The following CCN4 variants were observed in gnomAD, a reference collection of about 807,000 sequenced individuals.
CCN4 encodes CCN family member 4.
A neutral mutation model predicts 36.7 loss-of-function variants in CCN4; 30 were observed. The ratio of observed to expected loss-of-function variants is 0.82; its 90% CI spans 0.61 to 1.11. The LOEUF is 1.11. Ranked by LOEUF, CCN4 falls within the 50% of genes least tolerant of loss-of-function variation. The pLI is 0.00. For missense variants in CCN4, 505 were observed against 504.9 expected, an observed-to-expected ratio of 1.00 and a Z score of 0.00; for synonymous variants, 191 against 195.4, an observed-to-expected ratio of 0.98 and a Z score of 0.19.
intron 1 of CCN4, among the ~76,000 whole-genome samples, chr8:133,194,455 T>A (rs1316401631): frequency 1.8e-5 from 1 of 54,946 alleles, no homozygotes; most frequent in African/African-American, 1.1e-4. Context: ...GTGTGTGTGG[T>A]ATGTGTGTGG....
chr8:133,214,508 G>T (rs1854244091), intron 2 of CCN4, among the ~76,000 whole-genome samples: 1 of 134,070 alleles, frequency 7.5e-6, no homozygotes, highest in Non-Finnish European at 1.5e-5. Flanking sequence ...TTTGGAGGTG[G>T]TTGTTGTTGT....
At position 133,220,616 on chromosome 8, in the gene CCN4, C is replaced by T. The variant is rs199909788; in HGVS notation, c.385C>T (p.Arg129Cys). 2.7e-5 allele frequency: 44 copies of T among 1,614,034 alleles called. No individual in the cohort carries two copies. Among genetic ancestry groups the T allele is most frequent in the Admixed American group, 1.5e-4 (9 of 60,010 alleles). The part of the protein sequence containing the change: ...VGVGCVLDGV[R>C]YNNGQSFQPN... ...TGTGGGCTGCGTCCTGGATGGGGTG[C>T]GCTACAACAACGGCCAGTCCTTCCA... The change falls in exon 3 of 5, where the codon CGC (arginine) becomes TGC (cysteine). Residue 129 changes from arginine to cysteine, a missense_variant. By Grantham distance (180) the Arg-to-Cys change is radical. Transcript: ENST00000250160.
Position 133,227,725 on chromosome 8 carries a change from T to C in CCN4, c.*15T>C, listed in dbSNP as rs1272347893. 29 of 1,606,134 alleles carry C rather than the reference T, an allele frequency of 1.8e-5. No individual in the cohort carries two copies. The highest frequency in any genetic ancestry group is 2.5e-5 in the Non-Finnish European group (29 of 1,175,414). On this transcript the variant is annotated 3_prime_UTR_variant, in exon 5 of 5. Transcript: ENST00000250160. ...TTGCCAACTAGGCAGGCACAAATCT[T>C]GGGTCTTGGGGACTAACCCAATGCC...
In CCN4 at chr8:133,229,181, C is replaced by G. The variant is rs1854862475; in HGVS notation, c.*1471C>G. The G allele has an allele frequency of 6.6e-6, 1 of 152,138 alleles. No homozygotes were observed. The highest frequency in any genetic ancestry group is 1.5e-5 in the Non-Finnish European group (1 of 68,028). The allele number at this position is 152,138 out of a possible 1,614,324, so 9.4% of individuals were successfully genotyped here. A position where few individuals can be genotyped will look rare whatever the true frequency, so the allele number is the denominator to read the frequency against. ...GGAAGCTCATAGAGGTGAGAAAACT[C>G]AACCAGAGTCACCCAGTTGGTGACT... On this transcript the variant is annotated 3_prime_UTR_variant, in exon 5 of 5. Transcript: ENST00000250160.
At position 133,225,459 on chromosome 8, in the gene CCN4, C is replaced by T. The variant is rs754459754; in HGVS notation, c.680C>T (p.Ser227Phe). Residue 227 changes from serine (S) to phenylalanine (F), a missense_variant, in exon 4 of 5, where the codon TCC becomes TTC. By Grantham distance (155) the Ser-to-Phe change is radical. Transcript: ENST00000250160. ...IAYTSPWSPCSTSCGLGVSTR... is the reference protein window; with the variant it reads ...IAYTSPWSPCFTSCGLGVSTR... ...TACACAAGCCCCTGGAGCCCTTGCT[C>T]CACCAGCTGCGGCCTGGGGGTCTCC... 2 of 1,614,120 alleles carry T rather than the reference C, an allele frequency of 1.2e-6. No individual in the cohort carries two copies. The highest frequency in any genetic ancestry group is 2.2e-5 in the South Asian group (2 of 91,072).
Position 133,228,417 on chromosome 8 carries a change from C to T in CCN4, c.*707C>T, listed in dbSNP as rs982949000. 2 of 152,324 alleles carry T rather than the reference C, an allele frequency of 1.3e-5. No homozygotes were observed. The highest frequency in any genetic ancestry group is 2.1e-4 in the South Asian group (1 of 4,822). The allele number at this position is 152,324 out of a possible 1,614,324, so 9.4% of individuals were successfully genotyped here. ...AACATTCCTGTTGATGGGAAAAGCCCCCAGTTAATACTCCAGAGACAGGGA... is the reference window on the plus strand; with the variant it reads ...AACATTCCTGTTGATGGGAAAAGCCTCCAGTTAATACTCCAGAGACAGGGA... On this transcript the variant is annotated 3_prime_UTR_variant, in exon 5 of 5. Transcript: ENST00000250160.
chr8:133,226,914 G>C (rs1463809244), intron 4 of CCN4, among the ~76,000 whole-genome samples: 1 of 152,220 alleles, frequency 6.6e-6, no homozygotes, highest in Non-Finnish European at 1.5e-5. Context: ...GTGGAAGGTA[G>C]CGTTACCTTT....
intron 1 of CCN4, among the ~76,000 whole-genome samples, chr8:133,201,957 G>C (rs1391209903): frequency 2.0e-5 from 3 of 152,150 alleles, no homozygotes; most frequent in Non-Finnish European, 4.4e-5. Context: ...GCGTATGTAG[G>C]GTTCGTTATA....
chr8:133,227,343 C>G (rs1854773615), intron 4 of CCN4, 68 bp from the exon 5 acceptor site: 1 of 1,506,848 alleles, frequency 6.6e-7, no homozygotes, highest in Admixed American at 2.0e-5. Context: ...AAACTGGGGG[C>G]TCAGGGGAAG....
chr8:133,223,797 A>G (rs2130617972), intron 3 of CCN4, among the ~76,000 whole-genome samples: 1 of 152,080 alleles, frequency 6.6e-6, no homozygotes, highest in South Asian at 2.1e-4. Context: ...TCTCCACTGC[A>G]TCTTGTTCCA....
In CCN4 at chr8:133,228,864, A is replaced by G. The variant is rs1854847367; in HGVS notation, c.*1154A>G. The G allele has an allele frequency of 6.6e-6, 1 of 152,158 alleles. No homozygotes were observed. The highest frequency in any genetic ancestry group is 2.1e-4 in the South Asian group (1 of 4,826). 9.4% of individuals were successfully genotyped at this position (152,158 alleles called of 1,614,324 possible). A position where few individuals can be genotyped will look rare whatever the true frequency, so the allele number is the denominator to read the frequency against. Reference sequence around the variant, plus strand: ...CTTTCGTTCTGCTGACCAAATGGCCAGTTTTCTGGTAGGAAGATGGAGGTT... The same window carrying G: ...CTTTCGTTCTGCTGACCAAATGGCCGGTTTTCTGGTAGGAAGATGGAGGTT... On this transcript the variant is annotated 3_prime_UTR_variant, in exon 5 of 5. Transcript: ENST00000250160.
At position 133,227,531 on chromosome 8, in the gene CCN4, T is replaced by C. The variant is rs766070030; in HGVS notation, c.925T>C (p.Cys309Arg). The C allele has an allele frequency of 5.6e-6, 9 of 1,614,048 alleles. No homozygotes were observed. In the East Asian group the frequency reaches 1.8e-4, roughly 32 times the overall value. The change falls in exon 5 of 5, where the codon TGC becomes CGC. Residue 309 changes from cysteine to arginine, a missense_variant. By Grantham distance (180) the Cys-to-Arg change is radical (BLOSUM62 -3). Coordinates refer to ENST00000250160, the MANE Select transcript of CCN4 (RefSeq NM_003882.4). ...CTGTGGAGTTTGCATGGACAATAGG[T>C]GCTGCATCCCCTACAAGTCTAAGAC... ...KYCGVCMDNRCCIPYKSKTID... is the reference protein window; with the variant it reads ...KYCGVCMDNRRCIPYKSKTID...
rs1335587402 is a variant in CCN4 at position 133,229,025 on chromosome 8, A to G, written c.*1315A>G. 6.6e-6 allele frequency: 1 copy of G among 152,238 alleles called. No individual in the cohort carries two copies. The highest frequency in any genetic ancestry group is 1.5e-5 in the Non-Finnish European group (1 of 68,040). The allele number at this position is 152,238 out of a possible 1,614,324, so 9.4% of individuals were successfully genotyped here. A position where few individuals can be genotyped will look rare whatever the true frequency, so the allele number is the denominator to read the frequency against. On this transcript the variant is annotated 3_prime_UTR_variant, in exon 5 of 5. Coordinates refer to ENST00000250160, the MANE Select transcript of CCN4 (RefSeq NM_003882.4). ...TTAGGAAAATATAATATTTACTGTT[A>G]GAATTCTTTTATTTAGGGCCTTTTC... is the stretch of plus-strand genomic sequence containing the variant.
At chr8:133,211,801 G>T (rs1282424675) in intron 1 of CCN4, among the ~76,000 whole-genome samples, 7 of 152,210 alleles carry the variant, frequency 4.6e-5, no homozygotes, top group Non-Finnish European at 7.3e-5. Flanking sequence ...CTGACTCAAA[G>T]CCTGGCTCCC....
intron 2 of CCN4, among the ~76,000 whole-genome samples, chr8:133,218,421 CTA>C (rs990776124): frequency 3.9e-5 from 6 of 152,194 alleles, no homozygotes; most frequent in African/African-American, 1.4e-4. Context: ...ACCTTGGACG[CTA>C]TGTGTCTTCA....
At chr8:133,211,384 C>T (rs1344410177) in intron 1 of CCN4, among the ~76,000 whole-genome samples, 1 of 152,232 alleles carries the variant, frequency 6.6e-6, no homozygotes, top group Admixed American at 6.5e-5. Flanking sequence ...TGAGCTAACT[C>T]TGCAAATGTC....
At chr8:133,202,826 G>A (rs957760417) in intron 1 of CCN4, among the ~76,000 whole-genome samples, 6 of 152,206 alleles carry the variant, frequency 3.9e-5, no homozygotes, top group South Asian at 2.1e-4. Context: ...GTGCCTAGGG[G>A]TGCAAGTGCC....
At chr8:133,192,413 G>A (rs1389303636) in intron 1 of CCN4, among the ~76,000 whole-genome samples, 5 of 152,202 alleles carry the variant, frequency 3.3e-5, no homozygotes, top group Non-Finnish European at 7.3e-5. Flanking sequence ...CATGGTGCCT[G>A]ACTATAGTTG....
In CCN4 at chr8:133,231,235, A is replaced by G; in HGVS notation, c.*3525A>G. On this transcript the variant is annotated 3_prime_UTR_variant, in exon 5 of 5. Transcript: ENST00000250160. ...GTTGAACTATGTCGCTGCTTTTTAC[A>G]AACTTGTCTTGATCCAAAGCAGTCA... is the stretch of plus-strand genomic sequence containing the variant. 1 of 152,146 alleles carries G rather than the reference A, an allele frequency of 6.6e-6. No homozygotes were observed. Among genetic ancestry groups the G allele is most frequent in the East Asian group, 1.9e-4 (1 of 5,192 alleles). The allele number at this position is 152,146 out of a possible 1,614,324, so 9.4% of individuals were successfully genotyped here.
Sources: gnomAD v4.1 joint callset for allele counts (sites outside exome capture counted in the v4.1 genomes callset) on GRCh38, gnomAD v4.1.1 for gene constraint, MANE v1.5 for transcripts, NCBI Gene and HGNC (gene_info 2026-07-23, HGNC 2026-07-21) for gene names.